Variants in EML6 observed in about 807,000 individuals in gnomAD.
EML6 encodes the protein echinoderm microtubule-associated protein-like 6.
A neutral mutation model predicts 240.1 loss-of-function variants in EML6; 154 were observed. That is an observed-to-expected ratio of 0.64 (90% confidence interval 0.56 to 0.73). The LOEUF (loss-of-function observed/expected upper bound fraction) is 0.73, where lower values mean the gene tolerates loss of function less well. Ranked by LOEUF, EML6 falls within the 30% of genes least tolerant of loss-of-function variation. EML6 has a pLI of 0.00. For synonymous variants in EML6, 1,148 were observed against 899.0 expected, an observed-to-expected ratio of 1.28 and a Z score of -4.95; for missense variants, 2,964 against 2,474.6, an observed-to-expected ratio of 1.20 and a Z score of -4.20.
intron 4 of EML6, 41 bp downstream of exon 4, chr2:54,816,926 TG>T: frequency 3.1e-6 from 4 of 1,279,356 alleles, no homozygotes; most frequent in Non-Finnish European, 4.5e-6. Context: ...TTTCAGAACT[TG>T]GGGGGACTTG....
chr2:54,888,140 A>G (rs1032914361), intron 17 of EML6, among the ~76,000 whole-genome samples: 1 of 152,214 alleles, frequency 6.6e-6, no homozygotes, highest in African/African-American at 2.4e-5. Flanking sequence ...GCAGTGCTCA[A>G]ATATCTCTCT....
At chr2:54,906,577 C>T (rs1188056951) in intron 24 of EML6, among the ~76,000 whole-genome samples, 3 of 152,160 alleles carry the variant, frequency 2.0e-5, no homozygotes, top group African/African-American at 4.8e-5. Context: ...GAAAAGCCAC[C>T]ATGCTTCTCA....
chr2:54,879,750 C>T (rs568119285), intron 17 of EML6, 110 bp downstream of exon 17: 64 of 716,182 alleles, frequency 8.9e-5, no homozygotes, highest in African/African-American at 8.8e-4. Context: ...GTGAAATTGA[C>T]GTAGAAGGCT....
intron 2 of EML6, among the ~76,000 whole-genome samples, chr2:54,745,004 A>G (rs1333106163): frequency 5.3e-5 from 8 of 150,826 alleles, no homozygotes; most frequent in Non-Finnish European, 1.5e-5. Flanking sequence ...TGAGGGAAAG[A>G]AGGCATTGTG....
At chr2:54,948,711 G>A (rs1011920363) in intron 28 of EML6, among the ~76,000 whole-genome samples, 171 bp from the exon 29 acceptor site, 3 of 152,176 alleles carry the variant, frequency 2.0e-5, no homozygotes, top group Non-Finnish European at 4.4e-5. Flanking sequence ...GCTGGGTCCC[G>A]TGGCAGGCGG....
rs1444116392 is a variant in EML6, at chr2:54,830,337, G to A, written c.847+860G>A. Among the ~76,000 whole-genome samples, 5 of 152,288 alleles carry A rather than the reference G, an allele frequency of 3.3e-5. No homozygotes were observed. The South Asian group carries it at 8.3e-4, about 25-fold the overall frequency. ...CCCACAGGTGGGCCACAGACCCTGCGCCAAGGGAGGGGTACATGGTACTGT... is the reference window on the plus strand; with the variant it reads ...CCCACAGGTGGGCCACAGACCCTGCACCAAGGGAGGGGTACATGGTACTGT... On this transcript the variant is annotated intron_variant, in intron 7 of 41. Coordinates refer to ENST00000356458, the MANE Select transcript of EML6 (RefSeq NM_001039753.4).
At chr2:54,828,584 C>G (rs920810928) in intron 6 of EML6, among the ~76,000 whole-genome samples, 2 of 152,206 alleles carry the variant, frequency 1.3e-5, no homozygotes, top group African/African-American at 4.8e-5. Context: ...TCAGATCTTT[C>G]ACTATATGTT....
chr2:54,923,167 C>A (rs1674351182), intron 26 of EML6, among the ~76,000 whole-genome samples: 6 of 151,836 alleles, frequency 4.0e-5, no homozygotes, highest in Admixed American at 6.6e-5. Context: ...TCTCGAACTC[C>A]CAACCTCAGC....
At chr2:54,946,356 G>A (rs148468629) in intron 28 of EML6, among the ~76,000 whole-genome samples, 5 of 152,134 alleles carry the variant, frequency 3.3e-5, no homozygotes, top group East Asian at 1.9e-4. Context: ...AGCCTTCCTC[G>A]CACTCCTGTC....
At chr2:54,843,608 T>C (rs1477775115) in intron 7 of EML6, among the ~76,000 whole-genome samples, 1 of 151,278 alleles carries the variant, frequency 6.6e-6, no homozygotes, top group African/African-American at 2.4e-5. Context: ...ACTTTGGGAG[T>C]CCGAGGCGGG....
intron 13 of EML6, among the ~76,000 whole-genome samples, chr2:54,864,957 G>C (rs1279016032): frequency 6.6e-6 from 1 of 152,204 alleles, no homozygotes; most frequent in Non-Finnish European, 1.5e-5. Flanking sequence ...TTGACACATT[G>C]TATTATGCAA....
intron 25 of EML6, among the ~76,000 whole-genome samples, chr2:54,914,539 G>A (rs1236252626): frequency 7.2e-5 from 9 of 124,464 alleles, no homozygotes. Flanking sequence ...GCTTCCCAAA[G>A]TGACAGGCTC....
intron 4 of EML6, among the ~76,000 whole-genome samples, chr2:54,817,367 T>A (rs1668125285): frequency 1.3e-5 from 2 of 152,214 alleles, no homozygotes; most frequent in Admixed American, 1.3e-4. Flanking sequence ...TAATTCCATG[T>A]AGTCTTAGGG....
At chr2:54,875,432 C>T (rs949014657) in intron 16 of EML6, among the ~76,000 whole-genome samples, 1 of 152,204 alleles carries the variant, frequency 6.6e-6, no homozygotes, top group Non-Finnish European at 1.5e-5. Flanking sequence ...CCTCAGGACT[C>T]CTGTCGCTGC....
At chr2:54,928,156 C>T (rs1024721795) in intron 26 of EML6, among the ~76,000 whole-genome samples, 157 bp from the exon 27 acceptor site, 5 of 152,162 alleles carry the variant, frequency 3.3e-5, no homozygotes, top group Non-Finnish European at 4.4e-5. Flanking sequence ...AAAAAAGAGA[C>T]CTAGTGCCTG....
intron 2 of EML6, among the ~76,000 whole-genome samples, chr2:54,792,592 T>C (rs1225328775): frequency 6.6e-6 from 1 of 152,360 alleles, no homozygotes; most frequent in South Asian, 2.1e-4. Flanking sequence ...TCTGCATTAC[T>C]GTGGTGGTTA....
At chr2:54,833,467 A>G (rs1668978614) in intron 7 of EML6, among the ~76,000 whole-genome samples, 1 of 152,258 alleles carries the variant, frequency 6.6e-6, no homozygotes, top group Admixed American at 6.5e-5. Context: ...ATTCTTTTAC[A>G]TCTTTGTAGT....
intron 16 of EML6, 38 bp from the exon 17 acceptor site, chr2:54,879,509 A>T: frequency 3.6e-6 from 5 of 1,394,932 alleles, no homozygotes; most frequent in Non-Finnish European, 5.0e-6. Flanking sequence ...TTGTTTTTTC[A>T]TGGAAGAAAT....
At chr2:54,857,518 C>G (rs143717781) in intron 11 of EML6, among the ~76,000 whole-genome samples, 1 of 152,168 alleles carries the variant, frequency 6.6e-6, no homozygotes, top group Non-Finnish European at 1.5e-5. Context: ...CCTCGTGGAG[C>G]TTTTGTTCTA....
Sources: allele counts gnomAD v4.1 joint callset (sites outside exome capture counted in the v4.1 genomes callset), GRCh38; gene constraint gnomAD v4.1.1; transcripts MANE v1.5; gene names NCBI Gene and HGNC (gene_info 2026-07-23, HGNC 2026-07-21).